Variants in DLC1 observed in about 807,000 individuals in gnomAD.
DLC1 encodes the protein DLC1 Rho GTPase activating protein, also known as rho GTPase-activating protein 7.
Under a neutral mutation model 140.3 loss-of-function variants are expected in DLC1, and 54 were observed. The ratio of observed to expected loss-of-function variants is 0.38; its 90% confidence interval spans 0.31 to 0.48. The LOEUF (loss-of-function observed/expected upper bound fraction) is 0.48, where lower values mean the gene tolerates loss of function less well. DLC1 is among the 20% of genes least tolerant of loss of function. DLC1 has a pLI of 0.96. For synonymous variants in DLC1, 986 were observed against 728.1 expected, an observed-to-expected ratio of 1.35 and a Z score of -5.70; for missense variants, 2,536 against 1,907.0, an observed-to-expected ratio of 1.33 and a Z score of -6.14.
intron 2 of DLC1, among the ~76,000 whole-genome samples, chr8:13,402,361 C>A (rs181871774): frequency 3.3e-5 from 5 of 152,226 alleles, no homozygotes; most frequent in Non-Finnish European, 5.9e-5. Context: ...CATGACTCAA[C>A]CATTCTGGTG....
At chr8:13,257,153 T>G (rs1830264574) in intron 5 of DLC1, among the ~76,000 whole-genome samples, 1 of 151,966 alleles carries the variant, frequency 6.6e-6, no homozygotes, top group Non-Finnish European at 1.5e-5. Flanking sequence ...TCATGACTTG[T>G]GTCACAAAAT....
At chr8:13,537,264 G>C (rs942405103) in intron 1 of DLC1, among the ~76,000 whole-genome samples, 1 of 152,190 alleles carries the variant, frequency 6.6e-6, no homozygotes, top group African/African-American at 2.4e-5. Flanking sequence ...ATCACGTTTT[G>C]TAGTTGTGTT....
intron 2 of DLC1, among the ~76,000 whole-genome samples, chr8:13,406,523 T>G (rs562529053): frequency 6.6e-6 from 1 of 152,312 alleles, no homozygotes; most frequent in East Asian, 1.9e-4. Context: ...GTGTCTTTAT[T>G]CCATGAAACA....
chr8:13,519,521 G>T (rs142776529), upstream of DLC1, among the ~76,000 whole-genome samples: 1 of 152,098 alleles, frequency 6.6e-6, no homozygotes, highest in Non-Finnish European at 1.5e-5. Context: ...AGCATCATGC[G>T]CATGATTAGT....
intron 4 of DLC1, among the ~76,000 whole-genome samples, chr8:13,391,652 A>C (rs561198454): frequency 4.2e-4 from 64 of 152,284 alleles, no homozygotes; most frequent in Non-Finnish European, 8.7e-4. Context: ...AACTATATTG[A>C]CCATATTTAT....
At chr8:13,546,015 A>C (rs941304517) in intron 1 of DLC1, among the ~76,000 whole-genome samples, 12 of 152,142 alleles carry the variant, frequency 7.9e-5, no homozygotes, top group African/African-American at 2.7e-4. Flanking sequence ...GGCTTCCAGG[A>C]TATGTTAAAG....
intron 2 of DLC1, among the ~76,000 whole-genome samples, chr8:13,405,719 G>A (rs1278085892): frequency 6.6e-6 from 1 of 152,038 alleles, no homozygotes; most frequent in Non-Finnish European, 1.5e-5. Context: ...TACAGAAACT[G>A]TGTTTTGAAA....
At chr8:13,210,033 C>T (rs1827863755) in intron 5 of DLC1, among the ~76,000 whole-genome samples, 2 of 152,004 alleles carry the variant, frequency 1.3e-5, no homozygotes, top group Admixed American at 1.3e-4. Context: ...ATTATGGTTG[C>T]TAAATTTTGG....
intron 5 of DLC1, among the ~76,000 whole-genome samples, chr8:13,272,650 A>G (rs980605426): frequency 1.3e-5 from 2 of 152,136 alleles, no homozygotes; most frequent in African/African-American, 4.8e-5. Flanking sequence ...TCACGAGGTC[A>G]AGAGATCGAG....
chr8:13,276,375 A>G (rs1192770790), intron 5 of DLC1: 2 of 1,519,356 alleles, frequency 1.3e-6, no homozygotes, highest in East Asian at 2.6e-5. Context: ...GGGGCGCGCC[A>G]TCACGTGGGC....
chr8:13,514,891 T>A, upstream of DLC1: 1 of 366,058 alleles, frequency 2.7e-6, no homozygotes, highest in East Asian at 4.0e-5. Context: ...AGGCCCAGAT[T>A]GCCTGGAAAG....
intron 4 of DLC1, among the ~76,000 whole-genome samples, chr8:13,369,510 C>T (rs1170135085): frequency 6.6e-6 from 1 of 152,138 alleles, no homozygotes; most frequent in East Asian, 1.9e-4. Context: ...ATTTTTTGGG[C>T]ACTCCAATTC....
chr8:13,219,118 A>ATAATTATATAATTATGTGCATG (rs1828398616), intron 5 of DLC1, among the ~76,000 whole-genome samples: 1 of 67,070 alleles, frequency 1.5e-5, no homozygotes. Context: ...ATATGTGAAT[A>ATAATTATATAATTATGTGCATG]TAATTATATA....
At chr8:13,543,140 G>A (rs967664737) in intron 1 of DLC1, among the ~76,000 whole-genome samples, 4 of 152,006 alleles carry the variant, frequency 2.6e-5, no homozygotes, top group Admixed American at 2.0e-4. Flanking sequence ...CATATTGTTG[G>A]TATTTAGCAA....
intron 4 of DLC1, among the ~76,000 whole-genome samples, chr8:13,319,104 G>A (rs1430143026): frequency 6.6e-6 from 1 of 152,148 alleles, no homozygotes; most frequent in Non-Finnish European, 1.5e-5. Context: ...TACCTATAAT[G>A]GGGATACCTT....
At chr8:13,305,179 C>T (rs1832370056) in intron 5 of DLC1, 90 bp downstream of exon 5, 1 of 1,530,726 alleles carries the variant, frequency 6.5e-7, no homozygotes, top group African/African-American at 1.4e-5. Context: ...GAGATGTATA[C>T]ATTTTATATA....
At chr8:13,355,691 C>G (rs969255029) in intron 4 of DLC1, among the ~76,000 whole-genome samples, 2 of 152,184 alleles carry the variant, frequency 1.3e-5, no homozygotes, top group African/African-American at 2.4e-5. Context: ...TTCCATTGCA[C>G]AATCACTGTA....
chr8:13,371,082 G>T (rs143191248), intron 4 of DLC1, among the ~76,000 whole-genome samples: 2 of 152,304 alleles, frequency 1.3e-5, no homozygotes, highest in Non-Finnish European at 2.9e-5. Flanking sequence ...AAAAATGGAT[G>T]ACAAAGGTAA....
chr8:13,290,004 G>A (rs1320846072), intron 5 of DLC1, among the ~76,000 whole-genome samples: 1 of 152,048 alleles, frequency 6.6e-6, no homozygotes, highest in Non-Finnish European at 1.5e-5. Context: ...ATATTTTTGT[G>A]TCTTTTCTTT....
Sources: allele counts gnomAD v4.1 joint callset (sites outside exome capture counted in the v4.1 genomes callset), GRCh38; gene constraint gnomAD v4.1.1; transcripts MANE v1.5; gene names NCBI Gene and HGNC (gene_info 2026-07-23, HGNC 2026-07-21).